ZZEF1: variants seen among roughly 807,000 people sequenced by gnomAD.
The protein encoded by ZZEF1 is zinc finger ZZ-type and EF-hand domain containing 1.
ZZEF1 carries 157 observed loss-of-function variants against 342.8 expected under a neutral mutation model. The observed-to-expected ratio is 0.46, with a 90% CI of 0.40 to 0.52. ZZEF1 has a LOEUF of 0.52. Ranked by LOEUF, ZZEF1 falls within the 20% of genes least tolerant of loss-of-function variation. ZZEF1 has a pLI of 0.00. For synonymous variants in ZZEF1, 1,505 were observed against 1,429.1 expected (o/e 1.05, Z -1.20); for missense variants, 3,480 against 3,725.6 (o/e 0.93, Z 1.72).
chr17:4,058,989 G>GAC (rs2057227981), intron 31 of ZZEF1, among the ~76,000 whole-genome samples, 182 bp downstream of exon 31: 1 of 152,090 alleles, frequency 6.6e-6, no homozygotes, highest in African/African-American at 2.4e-5. Flanking sequence ...ACAGAAAAAG[G>GAC]ACTGGGAGAA....
At chr17:4,069,014 A>C (rs780084484) in intron 26 of ZZEF1, among the ~76,000 whole-genome samples, 9 of 152,224 alleles carry the variant, frequency 5.9e-5, no homozygotes, top group Non-Finnish European at 1.3e-4. Context: ...GCCTCCTTCA[A>C]ACCAATAATG....
intron 52 of ZZEF1, among the ~76,000 whole-genome samples, chr17:4,012,857 T>C (rs2056000310): frequency 6.6e-6 from 1 of 152,156 alleles, no homozygotes; most frequent in Non-Finnish European, 1.5e-5. Flanking sequence ...ATACCAATTA[T>C]AGTATCAAAA....
At chr17:4,117,580 G>GA (rs2058416386) in intron 2 of ZZEF1, among the ~76,000 whole-genome samples, 2 of 146,168 alleles carry the variant, frequency 1.4e-5, no homozygotes, top group Non-Finnish European at 3.0e-5. Context: ...CTCAGGGGGC[G>GA]GAGGTTGCAG....
intron 13 of ZZEF1, among the ~76,000 whole-genome samples, chr17:4,087,744 T>C (rs2057860300): frequency 6.6e-6 from 1 of 151,624 alleles, no homozygotes; most frequent in Non-Finnish European, 1.5e-5. Context: ...GTGTGTTATA[T>C]GTATGTATGT....
At chr17:4,033,025 G>A (rs766234073) in intron 40 of ZZEF1, 23 bp from the exon 41 acceptor site, 1 of 1,547,852 alleles carries the variant, frequency 6.5e-7, no homozygotes, top group Non-Finnish European at 8.7e-7. Context: ...AGCTCCATTA[G>A]GGGCAGTACA....
rs1256403682 is a variant in ZZEF1, at chr17:4,008,904, G to A, written c.8784C>T (p.His2928=). 3 of 1,546,054 alleles carry A rather than the reference G, an allele frequency of 1.9e-6. No homozygotes were observed. The Admixed American group carries it at 5.8e-5, about 30-fold the overall frequency. ...DYLLALTTDD[H]LLRCAAQALQ... is the part of the protein sequence containing the mutation. The stretch of plus-strand genomic sequence containing the variant: ...GTACCTGTGCCGCACAGCGGAGAAG[G>A]TGGTCGTCCGTGGTTAGGGCCAGCA... Residue 2928 remains histidine (H), a synonymous_variant, in exon 54 of 55, where the codon CAC becomes CAT. Transcript: ENST00000381638. The surrounding 1 kb of genome is among the most constrained non-coding windows in gnomAD (Gnocchi z 4.2).
intron 1 of ZZEF1, among the ~76,000 whole-genome samples, chr17:4,140,606 C>T (rs2058827823): frequency 6.6e-6 from 1 of 152,182 alleles, no homozygotes; most frequent in Admixed American, 6.5e-5. Flanking sequence ...GCTCAGTGAA[C>T]AATAATGCCA....
chr17:4,035,541 C>T (rs541877800), intron 39 of ZZEF1, among the ~76,000 whole-genome samples: 4 of 152,300 alleles, frequency 2.6e-5, no homozygotes, highest in Non-Finnish European at 5.9e-5. Context: ...CTGAGGAAGT[C>T]ACCCAAGCCC....
intron 1 of ZZEF1, among the ~76,000 whole-genome samples, chr17:4,131,157 GAAATATGCC>G (rs890461948): frequency 1.3e-5 from 2 of 152,092 alleles, no homozygotes; most frequent in African/African-American, 4.8e-5. Flanking sequence ...CCAGAACGAA[GAAATATGCC>G]AAGACAGGAG....
chr17:4,131,153 C>T (rs113965975), intron 1 of ZZEF1, among the ~76,000 whole-genome samples: 37 of 152,110 alleles, frequency 2.4e-4, no homozygotes, highest in African/African-American at 7.5e-4. Context: ...GCCACCAGAA[C>T]GAAGAAATAT....
rs1377121912 is a variant in ZZEF1 at position 4,006,920 on chromosome 17, C to T, written c.8856G>A (p.Lys2952=). ...ACTCCACATTCCAGAGGCGGGTGGCCTTGTTTGGGTAGTTGATGGCCAGGC... is the reference window on the plus strand; with the variant it reads ...ACTCCACATTCCAGAGGCGGGTGGCTTTGTTTGGGTAGTTGATGGCCAGGC... ...AISLAINYPN[K]ATRLWNVEC The change falls in exon 55 of 55, where the codon AAG becomes AAA. Residue 2952 remains lysine, a synonymous_variant. Coordinates refer to ENST00000381638, the MANE Select transcript of ZZEF1 (RefSeq NM_015113.4). The T allele has an allele frequency of 6.4e-7, 1 of 1,569,056 alleles. No individual in the cohort carries two copies. Among genetic ancestry groups the T allele is most frequent in the Non-Finnish European group, 8.7e-7 (1 of 1,155,660 alleles).
Position 4,008,212 on chromosome 17 carries a change from T to C in ZZEF1, c.8805+671A>G, listed in dbSNP as rs1486818637. 6.6e-6 allele frequency: 1 copy of C among 152,306 alleles called. No homozygotes were observed. 9.4% of individuals were successfully genotyped at this position (152,306 alleles called of 1,614,324 possible). A position where few individuals can be genotyped will look rare whatever the true frequency, so the allele number is the denominator to read the frequency against. On this transcript the variant is annotated intron_variant, in intron 54 of 54. Transcript: ENST00000381638. The surrounding 1 kb of genome is among the most constrained non-coding windows in gnomAD (Gnocchi z 4.2). ...CAGACATGAGAGGGGTCTGCAAGGATGGAACACAACAGCGCCACCCTCTGC... is the reference window on the plus strand; with the variant it reads ...CAGACATGAGAGGGGTCTGCAAGGACGGAACACAACAGCGCCACCCTCTGC...
rs566074000 is a variant in ZZEF1 at position 4,117,146 on chromosome 17, C to G, written c.520G>C (p.Glu174Gln). The G allele has an allele frequency of 1.3e-5, 21 of 1,612,998 alleles. No homozygotes were observed. In the African/African-American group the frequency reaches 1.3e-4, roughly 10 times the overall value. The change falls in exon 3 of 55, where the codon GAG becomes CAG. Residue 174 changes from glutamate (E) to glutamine (Q), a missense_variant. Physicochemically the swap from Glu to Gln is conservative, Grantham distance 29 (BLOSUM62 2). This residue lies in a region of ZZEF1 where 416 missense variants were observed against 374.2 expected (regional missense o/e 1.11). Coordinates refer to ENST00000381638, the MANE Select transcript of ZZEF1 (RefSeq NM_015113.4). The stretch of plus-strand genomic sequence containing the variant: ...TGAATATCAAGGCCCTCCTTCGACT[C>G]TGAAAATATGTCTGTGAAACCTAAA... ...LVPGFTDIFS[E>Q]SKEGLDIHSS... is the part of the protein sequence containing the mutation.
intron 39 of ZZEF1, among the ~76,000 whole-genome samples, chr17:4,035,485 G>A (rs1044108588): frequency 6.6e-6 from 1 of 152,284 alleles, no homozygotes; most frequent in Non-Finnish European, 1.5e-5. Context: ...GCAGGGTATG[G>A]AATTTCCATG....
intron 11 of ZZEF1, among the ~76,000 whole-genome samples, chr17:4,092,292 CAT>C (rs901626430): frequency 2.4e-5 from 3 of 127,524 alleles, no homozygotes; most frequent in African/African-American, 8.6e-5. Context: ...AGAGAGAAAA[CAT>C]GTCCCTTTTT....
chr17:4,141,819 A>G (rs1329028711), intron 1 of ZZEF1, among the ~76,000 whole-genome samples: 2 of 152,178 alleles, frequency 1.3e-5, no homozygotes. Flanking sequence ...TGAAGCGCCC[A>G]GTAAATAAAC....
intron 29 of ZZEF1, among the ~76,000 whole-genome samples, chr17:4,063,991 T>C (rs1276613005): frequency 3.3e-5 from 5 of 151,930 alleles, no homozygotes; most frequent in Non-Finnish European, 7.4e-5. Flanking sequence ...GCCTCCCAAA[T>C]TGCTGGGATT....
chr17:4,029,403 T>C (rs1567774919), intron 42 of ZZEF1, among the ~76,000 whole-genome samples: 1 of 149,780 alleles, frequency 6.7e-6, no homozygotes, highest in African/African-American at 2.5e-5. Flanking sequence ...ACAAGATAAA[T>C]TGGAAAATAT....
chr17:4,063,728 ATTTTT>A (rs549620718), intron 29 of ZZEF1, among the ~76,000 whole-genome samples: 2 of 130,754 alleles, frequency 1.5e-5, no homozygotes, highest in African/African-American at 2.9e-5. Flanking sequence ...CACTCAGGTC[ATTTTT>A]TTTTTTTTTT....
Sources: gnomAD v4.1 joint callset for allele counts (sites outside exome capture counted in the v4.1 genomes callset) on GRCh38, gnomAD v4.1.1 for gene constraint, gnomAD v4.1.1 regional missense constraint, Gnocchi (gnomAD v3.1) non-coding constraint, MANE v1.5 for transcripts, NCBI Gene and HGNC (gene_info 2026-07-23, HGNC 2026-07-21) for gene names.